Variants in CCDC62 observed in about 807,000 individuals in gnomAD.
The protein encoded by CCDC62 is coiled-coil domain containing 62.
In CCDC62, 72 loss-of-function variants were observed where a neutral mutation model predicts 80.8. The ratio of observed to expected loss-of-function variants is 0.89; its 90% confidence interval spans 0.74 to 1.08. The LOEUF (loss-of-function observed/expected upper bound fraction) is 1.08. Among genes scored for constraint, CCDC62 ranks in the 50% least tolerant of loss-of-function variants. The pLI is 0.00. For missense variants in CCDC62, 704 were observed against 809.4 expected (o/e 0.87, Z 1.58); for synonymous variants, 286 against 296.5 (o/e 0.96, Z 0.36).
At position 122,811,172 on chromosome 12, in the gene CCDC62, TAAA is replaced by T. The variant is rs1319899652; in HGVS notation, c.1852-2094_1852-2092del. ...TACCCTAGAACCTAAAGTATAATAATAAAAAATAAATAAATAAATAAAAAGAAA... is the reference window on the plus strand; with the variant it reads ...TACCCTAGAACCTAAAGTATAATAATAAATAAATAAATAAATAAAAAGAAA... On this transcript the variant is annotated intron_variant, in intron 10 of 12. Transcript: ENST00000253079. Among the ~76,000 whole-genome samples, 154 of 148,858 alleles carry T rather than the reference TAAA, an allele frequency of 1.0e-3. 1 individual carries two copies. Among genetic ancestry groups the T allele is most frequent in the Non-Finnish European group, 2.0e-3 (135 of 67,326 alleles).
In CCDC62 at chr12:122,794,689, C is replaced by T. The variant is rs537383977; in HGVS notation, c.772+2568C>T. 3.3e-5 allele frequency among the ~76,000 whole-genome samples: 5 copies of T among 151,942 alleles called. No individual in the cohort carries two copies. In the South Asian group the frequency reaches 1.0e-3, roughly 32 times the overall value. On this transcript the variant is annotated intron_variant, in intron 6 of 12. Coordinates refer to ENST00000253079, the MANE Select transcript of CCDC62 (RefSeq NM_201435.5). ...TTTATTTAGTAGAGACAGGGTCTTG[C>T]TCTGTTGCCCAGCCTGGAGTGCAGT...
chr12:122,803,824 C>T (rs1286292585), intron 9 of CCDC62, among the ~76,000 whole-genome samples: 1 of 152,126 alleles, frequency 6.6e-6, no homozygotes, highest in East Asian at 1.9e-4. Flanking sequence ...CAAGGACACT[C>T]ATATATTAAG....
intron 5 of CCDC62, among the ~76,000 whole-genome samples, chr12:122,789,523 C>T (rs377705581): frequency 6.6e-6 from 1 of 152,222 alleles, no homozygotes; most frequent in South Asian, 2.1e-4. Flanking sequence ...GCCTCCACCT[C>T]CTGGGTTCAA....
At chr12:122,815,312 C>CA (rs2032116779) in intron 11 of CCDC62, among the ~76,000 whole-genome samples, 1 of 152,190 alleles carries the variant, frequency 6.6e-6, no homozygotes, top group Non-Finnish European at 1.5e-5. Context: ...CTCTTGGGTT[C>CA]AAGCAATCCT....
At chr12:122,821,140 TAAG>T (rs1398627349) in intron 11 of CCDC62, among the ~76,000 whole-genome samples, 1 of 152,066 alleles carries the variant, frequency 6.6e-6, no homozygotes, top group Non-Finnish European at 1.5e-5. Context: ...CCCAGACACC[TAAG>T]AAGGCTAACG....
At position 122,792,058 on chromosome 12, in the gene CCDC62, C is replaced by T. The variant is rs992259057; in HGVS notation, c.709C>T (p.Arg237Ter). The part of the protein sequence containing the change: ...NEKTTENNEQ[R>*]EEIIRLKQEK... Reference sequence around the variant, plus strand: ...AAAGACGACAGAAAATAATGAGCAACGAGAAGAGATCATTCGCCTCAAGCA... The same window carrying T: ...AAAGACGACAGAAAATAATGAGCAATGAGAAGAGATCATTCGCCTCAAGCA... The change falls in exon 6 of 13, where the codon CGA becomes TGA. Residue 237 changes from arginine to a stop codon, truncating the protein, a stop_gained. Coordinates refer to ENST00000253079, the MANE Select transcript of CCDC62 (RefSeq NM_201435.5). LOFTEE classifies it high-confidence loss of function. The T allele has an allele frequency of 3.1e-6, 5 of 1,613,954 alleles. No homozygotes were observed. Among genetic ancestry groups the T allele is most frequent in the East Asian group, 2.2e-5 (1 of 44,888 alleles).
chr12:122,797,300 TA>T lies in CCDC62; in HGVS notation c.773-4del. 7.1e-7 allele frequency: 1 copy of T among 1,414,364 alleles called. No individual in the cohort carries two copies. The highest frequency in any genetic ancestry group is 1.0e-6 in the Non-Finnish European group (1 of 999,034). The allele number at this position is 1,414,364 out of a possible 1,614,324, so 87.6% of individuals were successfully genotyped here. ...GAAAAATGTTAATAATACTTGTTCT[TA>T]AATAGTAGAGAGAGAAAAGAGGAAA... is the stretch of plus-strand genomic sequence containing the variant. On this transcript the variant is annotated splice_region_variant and splice_polypyrimidine_tract_variant and intron_variant, in intron 6 of 12. Transcript: ENST00000253079.
At chr12:122,786,547 CAT>C (rs747461957) in intron 4 of CCDC62, among the ~76,000 whole-genome samples, 1 of 152,158 alleles carries the variant, frequency 6.6e-6, no homozygotes, top group African/African-American at 2.4e-5. Context: ...TGCTGTTACA[CAT>C]GTCATTGACA....
At chr12:122,787,707 C>A (rs777124279) in intron 4 of CCDC62, among the ~76,000 whole-genome samples, 1 of 151,450 alleles carries the variant, frequency 6.6e-6, no homozygotes, top group Non-Finnish European at 1.5e-5. Context: ...GCCGAGATCA[C>A]GCCACTGCAC....
intron 4 of CCDC62, 113 bp from the exon 5 acceptor site, chr12:122,788,645 G>A (rs1036759814): frequency 1.6e-5 from 11 of 670,126 alleles, no homozygotes; most frequent in East Asian, 5.4e-5. Flanking sequence ...ATTCATATGC[G>A]AAAAATGCTT....
rs2032634938 is a variant in CCDC62, at chr12:122,826,405, T to G, written c.*41-17T>G. The G allele has an allele frequency of 1.3e-6, 1 of 779,832 alleles. No individual in the cohort carries two copies. The highest frequency in any genetic ancestry group is 1.3e-5 in the South Asian group (1 of 74,398). The allele number at this position is 779,832 out of a possible 1,614,324, so 48.3% of individuals were successfully genotyped here. A position where few individuals can be genotyped will look rare whatever the true frequency, so the allele number is the denominator to read the frequency against. On this transcript the variant is annotated splice_polypyrimidine_tract_variant and intron_variant, in intron 12 of 12. Transcript: ENST00000253079. ...ATTGTATTTTATTAATGTTGTGTTT[T>G]CTTCATCCAAAAGCAGATTTCTCAT...
chr12:122,789,167 A>G (rs1484075319), intron 5 of CCDC62, among the ~76,000 whole-genome samples: 1 of 152,244 alleles, frequency 6.6e-6, no homozygotes, highest in Non-Finnish European at 1.5e-5. Context: ...GCCTTAGTTG[A>G]GGTGGCTGTA....
intron 3 of CCDC62, among the ~76,000 whole-genome samples, chr12:122,784,245 G>A (rs775701428): frequency 6.6e-6 from 1 of 152,100 alleles, no homozygotes; most frequent in Non-Finnish European, 1.5e-5. Context: ...CTGGGAGGCC[G>A]GGCGCGGTGG....
intron 1 of CCDC62, among the ~76,000 whole-genome samples, chr12:122,775,413 A>C (rs2135521368): frequency 6.6e-6 from 1 of 152,282 alleles, no homozygotes; most frequent in African/African-American, 2.4e-5. Flanking sequence ...TACTCGGCTT[A>C]CTGCCTGTTT....
chr12:122,801,951 C>A, intron 9 of CCDC62, 99 bp downstream of exon 9: 1 of 1,265,374 alleles, frequency 7.9e-7, no homozygotes, highest in Non-Finnish European at 1.1e-6. Flanking sequence ...ACTATTAATC[C>A]AAAAGGCATG....
intron 12 of CCDC62, among the ~76,000 whole-genome samples, chr12:122,825,751 C>T (rs1232548507): frequency 1.3e-5 from 2 of 148,600 alleles, no homozygotes; most frequent in African/African-American, 2.5e-5. Flanking sequence ...TTTGGGAGGC[C>T]GAGGTGGGCG....
chr12:122,813,228 T>A, intron 10 of CCDC62, 42 bp from the exon 11 acceptor site: 1 of 1,552,532 alleles, frequency 6.4e-7, no homozygotes, highest in Non-Finnish European at 8.7e-7. Context: ...CATTTGTGTT[T>A]GTAAACCTAA....
rs772632401 is a variant in CCDC62, at chr12:122,823,441, G to A, written c.*22G>A. 1 of 1,569,128 alleles carries A rather than the reference G, an allele frequency of 6.4e-7. No homozygotes were observed. The highest frequency in any genetic ancestry group is 1.4e-5 in the African/African-American group (1 of 74,024). Reference sequence around the variant, plus strand: ...TTGAAGGAAACAAAAGGCAACTTCAGTATTCATCGTGATCACGAGTAAGTC... The same window carrying A: ...TTGAAGGAAACAAAAGGCAACTTCAATATTCATCGTGATCACGAGTAAGTC... On this transcript the variant is annotated 3_prime_UTR_variant, in exon 12 of 13. Transcript: ENST00000253079.
intron 11 of CCDC62, among the ~76,000 whole-genome samples, chr12:122,818,715 G>A (rs913476722): frequency 1.3e-5 from 2 of 152,076 alleles, no homozygotes; most frequent in Non-Finnish European, 2.9e-5. Context: ...TTGAGCCTGG[G>A]AGTTCGAGAC....
Sources: gnomAD v4.1 joint callset for allele counts (sites outside exome capture counted in the v4.1 genomes callset) on GRCh38, gnomAD v4.1.1 for gene constraint, MANE v1.5 for transcripts, NCBI Gene and HGNC (gene_info 2026-07-23, HGNC 2026-07-21) for gene names.